CNIH3: variants seen among roughly 807,000 people sequenced by gnomAD.
The protein encoded by CNIH3 is protein cornichon homolog 3.
In CNIH3, 14 loss-of-function variants were observed where a neutral mutation model predicts 24.1. That is an observed-to-expected ratio of 0.58 (90% CI 0.38 to 0.91). The LOEUF (loss-of-function observed/expected upper bound fraction) is 0.91. Among genes scored for constraint, CNIH3 ranks in the 40% least tolerant of loss-of-function variants. CNIH3 has a pLI of 0.00. For synonymous variants in CNIH3, 68 were observed against 73.8 expected (o/e 0.92, Z 0.40); for missense variants, 178 against 196.8 (o/e 0.90, Z 0.57).
intron 3 of CNIH3, among the ~76,000 whole-genome samples, chr1:224,697,236 G>A (rs1687225353): frequency 1.3e-5 from 2 of 152,216 alleles, no homozygotes; most frequent in Non-Finnish European, 2.9e-5. Context: ...TAGTTAGAGC[G>A]CTAGTTTGCA....
chr1:224,496,641 T>C (rs961286978), intron 1 of CNIH3, among the ~76,000 whole-genome samples: 28 of 152,140 alleles, frequency 1.8e-4, no homozygotes, highest in African/African-American at 5.6e-4. Context: ...TAAGAAATTG[T>C]TTACAGTGAA....
Position 224,616,865 on chromosome 1 carries a change from G to A in CNIH3, c.-310G>A, listed in dbSNP as rs1683025585. The A allele has an allele frequency of 8.3e-7, 1 of 1,209,608 alleles. No individual in the cohort carries two copies. The highest frequency in any genetic ancestry group is 1.0e-6 in the Non-Finnish European group (1 of 971,792). The allele number at this position is 1,209,608 out of a possible 1,614,324, so 74.9% of individuals were successfully genotyped here. On this transcript the variant is annotated 5_prime_UTR_variant, in exon 1 of 6. Coordinates refer to ENST00000272133, the MANE Select transcript of CNIH3 (RefSeq NM_152495.2). ...GTTGGTCTCGAGGGGCTCACAGCTT[G>A]GCACTAATTTGCAGGTGTTCGCTGC...
intron 1 of CNIH3, among the ~76,000 whole-genome samples, chr1:224,660,668 T>C (rs1214443494): frequency 3.3e-5 from 5 of 152,248 alleles, no homozygotes; most frequent in African/African-American, 1.2e-4. Context: ...CCAGCATTTA[T>C]GCACAAGTAG....
intron 3 of CNIH3, among the ~76,000 whole-genome samples, chr1:224,717,315 G>A (rs1688480300): frequency 6.6e-6 from 1 of 152,100 alleles, no homozygotes. Flanking sequence ...TCCTCACATG[G>A]CAGAGAAGAG....
intron 3 of CNIH3, among the ~76,000 whole-genome samples, chr1:224,687,067 A>T (rs936172820): frequency 1.3e-5 from 2 of 152,122 alleles, no homozygotes; most frequent in Non-Finnish European, 2.9e-5. Context: ...CGGGGAGAAA[A>T]GGTAGGCATC....
At chr1:224,553,732 G>T (rs1469517737) in intron 3 of CNIH3, among the ~76,000 whole-genome samples, 1 of 145,522 alleles carries the variant, frequency 6.9e-6, no homozygotes. Flanking sequence ...TGGAATTTGG[G>T]TTTTTCTTTC....
chr1:224,684,766 C>A lies in CNIH3; in HGVS notation c.151-30C>A. 1 of 1,608,070 alleles carries A rather than the reference C, an allele frequency of 6.2e-7. No homozygotes were observed. Among genetic ancestry groups the A allele is most frequent in the African/African-American group, 1.3e-5 (1 of 74,874 alleles). The stretch of plus-strand genomic sequence containing the variant: ...ATTTTAGCAGAACCCCTAACCTCCC[C>A]TCTCATTTCTTTCTTGTGCATCCTG... On this transcript the variant is annotated intron_variant, in intron 2 of 5. Transcript: ENST00000272133. The surrounding 1 kb of genome is among the most constrained non-coding windows in gnomAD (Gnocchi z 4.2).
chr1:224,589,213 C>T (rs946539620), downstream of CNIH3, among the ~76,000 whole-genome samples: 4 of 152,152 alleles, frequency 2.6e-5, no homozygotes, highest in African/African-American at 9.7e-5. Context: ...AAATGCACCA[C>T]GTTGCTATTC....
intron 5 of CNIH3, 66 bp downstream of exon 5, chr1:224,734,772 C>G (rs1689509496): frequency 3.8e-6 from 6 of 1,565,138 alleles, no homozygotes; most frequent in Admixed American, 3.4e-5. Flanking sequence ...TCAGGCTGGC[C>G]TCTGGGAGGC....
intron 1 of CNIH3, among the ~76,000 whole-genome samples, chr1:224,465,960 G>A (rs1019406919): frequency 9.9e-5 from 15 of 152,260 alleles, no homozygotes; most frequent in East Asian, 1.9e-4. Context: ...CCTGGGAGGC[G>A]GAGGTTGCAG....
chr1:224,436,140 T>C (rs746867692), intron 1 of CNIH3, among the ~76,000 whole-genome samples: 2 of 152,198 alleles, frequency 1.3e-5, no homozygotes, highest in African/African-American at 2.4e-5. Flanking sequence ...TTTGTAGTTC[T>C]TACTGCTTAA....
exon 1 of CNIH3, chr1:224,434,714 G>GCGGAGGCAGCTGCCGCCTCTGTCCT: frequency 2.1e-6 from 2 of 970,922 alleles, no homozygotes; most frequent in Non-Finnish European, 2.4e-6. Flanking sequence ...GCGGGCGGCA[G>GCGGAGGCAGCTGCCGCCTCTGTCCT]CGGAGGCAGC....
At chr1:224,463,648 C>T (rs905122959) in intron 1 of CNIH3, among the ~76,000 whole-genome samples, 7 of 151,802 alleles carry the variant, frequency 4.6e-5, no homozygotes, top group Non-Finnish European at 8.8e-5. Flanking sequence ...CTCAGATGAT[C>T]CGCCTGCCTC....
chr1:224,700,041 G>A (rs1004065655), intron 3 of CNIH3, among the ~76,000 whole-genome samples: 1 of 152,154 alleles, frequency 6.6e-6, no homozygotes, highest in Admixed American at 6.5e-5. Flanking sequence ...CCAGCCCACT[G>A]CCACTGCACT....
chr1:224,468,316 G>C (rs1271907902), intron 1 of CNIH3, among the ~76,000 whole-genome samples: 1 of 43,598 alleles, frequency 2.3e-5, no homozygotes, highest in Non-Finnish European at 5.9e-5. Flanking sequence ...CATAAACACA[G>C]TATTTCTATT....
chr1:224,663,546 A>G (rs1685459945), intron 1 of CNIH3, among the ~76,000 whole-genome samples: 1 of 152,164 alleles, frequency 6.6e-6, no homozygotes, highest in South Asian at 2.1e-4. Flanking sequence ...GACCCACAAA[A>G]CATACTTGTC....
chr1:224,577,506 A>C (rs1350842871), intron 4 of CNIH3, among the ~76,000 whole-genome samples: 8 of 152,220 alleles, frequency 5.3e-5, no homozygotes, highest in Non-Finnish European at 1.2e-4. Flanking sequence ...TCACAATGTG[A>C]CACCAACTTA....
rs112874756 is a variant in CNIH3 at position 224,454,289 on chromosome 1, T to C, written n.203+19427T>C. ...TTTTTTTTTTTCAGATCTCTGCTTC[T>C]AGCTGTCCTTCCACTCTATCAACTA... On this transcript the variant is annotated intron_variant and non_coding_transcript_variant, in intron 1 of 5. Coordinates refer to the CNIH3 transcript ENST00000471578. The C allele has an allele frequency of 9.6e-4, 910 of 951,914 alleles. 1 individual carries two copies. The highest frequency in any genetic ancestry group is 1.1e-3 in the Non-Finnish European group (872 of 800,426). 59.0% of individuals were successfully genotyped at this position (951,914 alleles called of 1,614,324 possible). A position where few individuals can be genotyped will look rare whatever the true frequency, so the allele number is the denominator to read the frequency against.
intron 1 of CNIH3, among the ~76,000 whole-genome samples, chr1:224,674,278 T>C (rs1220992225): frequency 1.8e-5 from 1 of 56,186 alleles, no homozygotes; most frequent in Non-Finnish European, 3.5e-5. Context: ...GAAGGTTTTT[T>C]TTTTTTTTTT....
Sources: gnomAD v4.1 joint callset for allele counts (sites outside exome capture counted in the v4.1 genomes callset) on GRCh38, gnomAD v4.1.1 for gene constraint, Gnocchi (gnomAD v3.1) non-coding constraint, MANE v1.5 for transcripts, NCBI Gene and HGNC (gene_info 2026-07-23, HGNC 2026-07-21) for gene names.